VWA8: variants seen among roughly 807,000 people sequenced by gnomAD.
The protein encoded by VWA8 is von Willebrand factor A domain-containing protein 8.
In VWA8, 221 loss-of-function variants were observed where a neutral mutation model predicts 241.5. The observed-to-expected ratio is 0.91, with a 90% CI of 0.82 to 1.02. VWA8 has a LOEUF of 1.02. Ranked by LOEUF, VWA8 falls within the 50% of genes least tolerant of loss-of-function variation. The pLI, the probability that VWA8 is intolerant of heterozygous loss-of-function variation, is 0.00. For missense variants in VWA8, 2,322 were observed against 2,328.7 expected (o/e 1.00, Z 0.06); for synonymous variants, 852 against 827.1 (o/e 1.03, Z -0.52).
chr13:41,872,446 C>T (rs1182944802), intron 9 of VWA8, among the ~76,000 whole-genome samples: 3 of 152,248 alleles, frequency 2.0e-5, no homozygotes, highest in South Asian at 2.1e-4. Context: ...TTAGGTCTAA[C>T]GTTTAAGTCT....
intron 9 of VWA8, among the ~76,000 whole-genome samples, chr13:41,873,384 T>A (rs1038820307): frequency 6.6e-6 from 1 of 152,028 alleles, no homozygotes; most frequent in African/African-American, 2.4e-5. Context: ...AAAAAATTAA[T>A]GAATCCAGGA....
At chr13:41,802,673 AACAAATT>A (rs1229455837) in intron 17 of VWA8, among the ~76,000 whole-genome samples, 1 of 152,230 alleles carries the variant, frequency 6.6e-6, no homozygotes, top group Non-Finnish European at 1.5e-5. Context: ...TAAAGCACTA[AACAAATT>A]GCTAAAGTCC....
At chr13:41,960,812 C>G (rs748864860) in intron 1 of VWA8, 41 bp downstream of exon 1, 3 of 1,497,026 alleles carry the variant, frequency 2.0e-6, no homozygotes, top group African/African-American at 1.4e-5. Context: ...CGGCACGGAG[C>G]GCAGGGGCAC....
At chr13:41,670,691 G>A (rs538920977) in intron 37 of VWA8, among the ~76,000 whole-genome samples, 8 of 152,272 alleles carry the variant, frequency 5.3e-5, no homozygotes, top group African/African-American at 1.9e-4. Flanking sequence ...AAAAGCTGCT[G>A]ATTGTATTCA....
chr13:41,946,617 A>C (rs4941413), intron 2 of VWA8, among the ~76,000 whole-genome samples: 16,381 of 151,928 alleles, frequency 0.11, 1,295 homozygotes, highest in East Asian at 0.3. Context: ...TTAAAGTGTT[A>C]ATTAGAATCC....
intron 39 of VWA8, among the ~76,000 whole-genome samples, chr13:41,608,500 G>T (rs1022506209): frequency 6.6e-6 from 1 of 152,064 alleles, no homozygotes; most frequent in Admixed American, 6.6e-5. Context: ...GCATTTTGTT[G>T]GCACAGTATA....
intron 37 of VWA8, among the ~76,000 whole-genome samples, chr13:41,618,902 T>G (rs894657474): frequency 6.6e-6 from 1 of 152,234 alleles, no homozygotes; most frequent in Admixed American, 6.5e-5. Flanking sequence ...TGAAGTAAGG[T>G]AGCGTGATGC....
At chr13:41,579,446 G>A (rs188107930) in intron 42 of VWA8, among the ~76,000 whole-genome samples, 1 of 152,330 alleles carries the variant, frequency 6.6e-6, no homozygotes, top group Admixed American at 6.5e-5. Flanking sequence ...AAAGGTCAAG[G>A]ATTCTAGGCT....
At chr13:41,884,119 T>A (rs1266570052) in intron 8 of VWA8, among the ~76,000 whole-genome samples, 2 of 152,152 alleles carry the variant, frequency 1.3e-5, no homozygotes, top group Non-Finnish European at 2.9e-5. Context: ...TTGTTCTGGT[T>A]ATGTAGAAGA....
intron 37 of VWA8, among the ~76,000 whole-genome samples, chr13:41,626,080 T>G (rs1332362337): frequency 2.3e-5 from 2 of 87,740 alleles, no homozygotes; most frequent in African/African-American, 9.3e-5. Context: ...TGGGGACTGT[T>G]GTGGGGTGGG....
At chr13:41,863,425 GTGTGTGTGTA>G (rs1164993280) in intron 12 of VWA8, among the ~76,000 whole-genome samples, 15 of 67,266 alleles carry the variant, frequency 2.2e-4, no homozygotes, top group East Asian at 1.1e-3. Context: ...GTGTGTGTGT[GTGTGTGTGTA>G]TATATATATA....
Position 41,746,423 on chromosome 13 carries a change from A to G in VWA8, c.2427-14268T>C, listed in dbSNP as rs1019629379. 6.6e-5 allele frequency among the ~76,000 whole-genome samples: 10 copies of G among 152,264 alleles called. No homozygotes were observed. In the East Asian group the frequency reaches 1.9e-3, roughly 29 times the overall value. Reference sequence around the variant, plus strand: ...GACCACACCACTTGCTGGCATCTCCAGTTTCAGGAGTCTGTAGCTCTGACT... The same window carrying G: ...GACCACACCACTTGCTGGCATCTCCGGTTTCAGGAGTCTGTAGCTCTGACT... On this transcript the variant is annotated intron_variant, in intron 21 of 44. Transcript: ENST00000379310.
intron 3 of VWA8, among the ~76,000 whole-genome samples, chr13:41,909,757 G>GA (rs1183346732): frequency 8.5e-5 from 13 of 152,202 alleles, no homozygotes; most frequent in Admixed American, 7.9e-4. Flanking sequence ...GCTGATTCAC[G>GA]AAAGAGGCAT....
intron 43 of VWA8, 79 bp downstream of exon 43, chr13:41,575,661 G>C: frequency 9.8e-7 from 1 of 1,024,164 alleles, no homozygotes. Context: ...TGTATCTGCT[G>C]CTGCTTCAAT....
At chr13:41,645,720 A>G (rs992924679) in intron 37 of VWA8, among the ~76,000 whole-genome samples, 11 of 152,210 alleles carry the variant, frequency 7.2e-5, no homozygotes, top group African/African-American at 2.7e-4. Context: ...AAATGTGCTG[A>G]AGTGCCAAGG....
rs74052814 is a variant in VWA8 at position 41,680,095 on chromosome 13, T to C, written c.4328-4799A>G. The stretch of plus-strand genomic sequence containing the variant: ...TGCTTGGATTAACATCCAGTGCTTA[T>C]ATTATTATAATTATCTAAATGCTAA... On this transcript the variant is annotated intron_variant, in intron 35 of 44. Coordinates refer to ENST00000379310, the MANE Select transcript of VWA8 (RefSeq NM_015058.2). Among the ~76,000 whole-genome samples, 986 of 152,248 alleles carry C rather than the reference T, an allele frequency of 6.5e-3. 9 individuals are homozygous for C. Among genetic ancestry groups the C allele is most frequent in the African/African-American group, 0.019 (783 of 41,544 alleles).
chr13:41,636,449 T>C (rs1237049418), intron 37 of VWA8, among the ~76,000 whole-genome samples: 1 of 152,166 alleles, frequency 6.6e-6, no homozygotes, highest in Non-Finnish European at 1.5e-5. Context: ...AAGACTTAAA[T>C]GTTAGACCTA....
Position 41,811,215 on chromosome 13 carries a change from A to G in VWA8, c.2063+10T>C, listed in dbSNP as rs370975454. On this transcript the variant is annotated intron_variant, in intron 17 of 44. Transcript: ENST00000379310. The stretch of plus-strand genomic sequence containing the variant: ...AGAAACTTACACGCAGTGAGAAAGA[A>G]TATGTTTACCTGGAAAGGCAGGCTT... The G allele has an allele frequency of 2.6e-5, 41 of 1,595,262 alleles. No homozygotes were observed. In the African/African-American group the frequency reaches 5.2e-4, roughly 20 times the overall value.
intron 2 of VWA8, among the ~76,000 whole-genome samples, chr13:41,945,577 G>A (rs1057272741): frequency 6.6e-6 from 1 of 152,070 alleles, no homozygotes; most frequent in East Asian, 1.9e-4. Context: ...CCAATAAAGA[G>A]AAATTATAAA....
Sources: gnomAD v4.1 joint callset for allele counts (sites outside exome capture counted in the v4.1 genomes callset) on GRCh38, gnomAD v4.1.1 for gene constraint, MANE v1.5 for transcripts, NCBI Gene and HGNC (gene_info 2026-07-23, HGNC 2026-07-21) for gene names.